ATPSCKMT: variants seen among roughly 807,000 people sequenced by gnomAD.
ATPSCKMT encodes the protein ATP synthase c subunit lysine N-methyltransferase.
A neutral mutation model predicts 24.3 loss-of-function variants in ATPSCKMT; 24 were observed. The ratio of observed to expected loss-of-function variants is 0.99; its 90% CI spans 0.71 to 1.39. The LOEUF (loss-of-function observed/expected upper bound fraction) is 1.39. Among genes scored for constraint, ATPSCKMT ranks in the 40% most tolerant of loss-of-function variants. ATPSCKMT has a pLI of 0.00. For missense variants in ATPSCKMT, 311 were observed against 298.4 expected (o/e 1.04, Z -0.31); for synonymous variants, 95 against 110.5 (o/e 0.86, Z 0.88).
In ATPSCKMT at chr5:10,236,617, T is replaced by C. The variant is rs1475131877; in HGVS notation, c.307-2A>G. ...CCCTTTCTTCGCAGCCGCTATGACCTGTGGAGAGAGGCAGGATTTATTCAA... is the reference window on the plus strand; with the variant it reads ...CCCTTTCTTCGCAGCCGCTATGACCCGTGGAGAGAGGCAGGATTTATTCAA... On this transcript the variant is annotated splice_acceptor_variant, in intron 2 of 4. Transcript: ENST00000511437. LOFTEE classifies it high-confidence loss of function. 1 of 1,611,402 alleles carries C rather than the reference T, an allele frequency of 6.2e-7. No homozygotes were observed. The highest frequency in any genetic ancestry group is 2.2e-5 in the East Asian group (1 of 44,864).
chr5:10,237,366 T>C (rs545298396), intron 2 of ATPSCKMT, among the ~76,000 whole-genome samples: 1 of 152,360 alleles, frequency 6.6e-6, no homozygotes, highest in African/African-American at 2.4e-5. Flanking sequence ...AATATGAATT[T>C]CAAAACTTTC....
In ATPSCKMT at chr5:10,226,164, G is replaced by T. The variant is rs1432866273; in HGVS notation, c.*1277C>A. Among the ~76,000 whole-genome samples the T allele has an allele frequency of 6.6e-6, 1 of 151,944 alleles. No individual in the cohort carries two copies. The highest frequency in any genetic ancestry group is 1.5e-5 in the Non-Finnish European group (1 of 68,028). ...CACACTAAGATTCCCTTGCTTATTTGTTTGTCTCTCCTTTCCAGAATAGGA... is the reference window on the plus strand; with the variant it reads ...CACACTAAGATTCCCTTGCTTATTTTTTTGTCTCTCCTTTCCAGAATAGGA... On this transcript the variant is annotated 3_prime_UTR_variant, in exon 5 of 5. Coordinates refer to ENST00000511437, the MANE Select transcript of ATPSCKMT (RefSeq NM_199133.4).
rs758366744 is a variant in ATPSCKMT at position 10,235,242 on chromosome 5, G to GTTTCGC, written c.463_464insGCGAAA (p.Ser155delinsCysGluThr). 6.2e-7 allele frequency: 1 copy of GTTTCGC among 1,613,524 alleles called. No homozygotes were observed. Among genetic ancestry groups the GTTTCGC allele is most frequent in the African/African-American group, 1.3e-5 (1 of 74,978 alleles). On this transcript the variant is annotated protein_altering_variant, in exon 4 of 5. Coordinates refer to ENST00000511437, the MANE Select transcript of ATPSCKMT (RefSeq NM_199133.4). ...AGGCACACCGAAAATAACAACGTTC[G>GTTTCGC]AGTACTGCGAAAAAGTAACCTGAAC...
intron 1 of ATPSCKMT, chr5:10,249,544 C>A: frequency 2.7e-6 from 1 of 368,922 alleles, no homozygotes. Flanking sequence ...AGCGGCAGAA[C>A]TGCGATTCCA....
At position 10,236,296 on chromosome 5, in the gene ATPSCKMT, G is replaced by C. The variant is rs114334171; in HGVS notation, c.444+182C>G. 2,472 of 584,252 alleles carry C rather than the reference G, an allele frequency of 4.2e-3. 41 individuals are homozygous for C. The highest frequency in any genetic ancestry group is 0.041 in the African/African-American group (2,119 of 52,132). 36.2% of individuals were successfully genotyped at this position (584,252 alleles called of 1,614,324 possible). On this transcript the variant is annotated intron_variant, in intron 3 of 4. Coordinates refer to ENST00000511437, the MANE Select transcript of ATPSCKMT (RefSeq NM_199133.4). ...AAGACCTATCATATAAAAACTTTAAGCTTCTCTCTAAAGGAGACTATTTGT... is the reference window on the plus strand; with the variant it reads ...AAGACCTATCATATAAAAACTTTAACCTTCTCTCTAAAGGAGACTATTTGT...
rs753489449 is a variant in ATPSCKMT at position 10,239,269 on chromosome 5, T to A, written c.104A>T (p.Asn35Ile). The A allele has an allele frequency of 1.2e-5, 19 of 1,614,052 alleles. No individual in the cohort carries two copies. The highest frequency in any genetic ancestry group is 1.6e-4 in the Middle Eastern group (1 of 6,084). The change falls in exon 2 of 5, where the codon AAC (asparagine) becomes ATC (isoleucine). Residue 35 changes from asparagine (N) to isoleucine (I), a missense_variant. By Grantham distance (149) the Asn-to-Ile change is moderately radical. Coordinates refer to ENST00000511437, the MANE Select transcript of ATPSCKMT (RefSeq NM_199133.4). Reference protein sequence around the residue: ...SFEVNSLQKSNWGFLLTGLVG... With the variant: ...SFEVNSLQKSIWGFLLTGLVG... ...AAGCCCAGTAAGTAAGAACCCCCAG[T>A]TGCTTTTCTGCAAACTGTTGACTTC...
intron 4 of ATPSCKMT, among the ~76,000 whole-genome samples, chr5:10,228,670 C>T (rs1561024593): frequency 6.6e-6 from 1 of 152,104 alleles, no homozygotes; most frequent in Non-Finnish European, 1.5e-5. Context: ...CTCCTGTATA[C>T]CTATACCCAG....
intron 4 of ATPSCKMT, 59 bp from the exon 5 acceptor site, chr5:10,227,706 A>G (rs1295191276): frequency 4.0e-6 from 6 of 1,486,652 alleles, no homozygotes; most frequent in Non-Finnish European, 5.5e-6. Flanking sequence ...ATGATCCCAA[A>G]ATTTCCTGTT....
intron 1 of ATPSCKMT, among the ~76,000 whole-genome samples, chr5:10,247,993 T>C (rs1432689690): frequency 6.6e-6 from 1 of 152,174 alleles, no homozygotes; most frequent in East Asian, 1.9e-4. Context: ...AGATGTACAA[T>C]AAGGTACCCA....
At chr5:10,235,296 T>TTTG (rs746797393) in intron 3 of ATPSCKMT, 35 bp from the exon 4 acceptor site, 10 of 1,585,782 alleles carry the variant, frequency 6.3e-6, no homozygotes, top group Non-Finnish European at 8.6e-6. Flanking sequence ...GTAGATTAAG[T>TTTG]GCAAAAAGCC....
At chr5:10,236,398 T>C in intron 3 of ATPSCKMT, 80 bp downstream of exon 3, 1 of 1,471,714 alleles carries the variant, frequency 6.8e-7, no homozygotes, top group Non-Finnish European at 9.2e-7. Context: ...TTAATACATT[T>C]TTCAGTTCTC....
chr5:10,227,282 TGTTTTTCTTC>T lies in ATPSCKMT; in HGVS notation c.*149_*158del. ...ATCAAAAGCAGATTTTAAATCTACC[TGTTTTTCTTC>T]GTTTGTTTTCTCCAACAGTTAAGGA... On this transcript the variant is annotated 3_prime_UTR_variant, in exon 5 of 5. Transcript: ENST00000511437. 1.3e-6 allele frequency: 1 copy of T among 744,050 alleles called. No individual in the cohort carries two copies. The highest frequency in any genetic ancestry group is 1.8e-5 in the African/African-American group (1 of 56,532). 46.1% of individuals were successfully genotyped at this position (744,050 alleles called of 1,614,324 possible).
chr5:10,249,778 C>G, intron 1 of ATPSCKMT, 80 bp downstream of exon 1: 2 of 1,522,816 alleles, frequency 1.3e-6, no homozygotes, highest in South Asian at 2.6e-5. Flanking sequence ...ACAGTGGAGA[C>G]CTCAGCTGAC....
At chr5:10,241,878 A>G (rs1295406969) in intron 1 of ATPSCKMT, among the ~76,000 whole-genome samples, 3 of 152,242 alleles carry the variant, frequency 2.0e-5, no homozygotes, top group African/African-American at 7.2e-5. Flanking sequence ...TAAGTGTGCA[A>G]TTGCACTGTT....
chr5:10,235,737 C>T (rs1178910242), intron 3 of ATPSCKMT, among the ~76,000 whole-genome samples: 1 of 144,222 alleles, frequency 6.9e-6, no homozygotes, highest in Admixed American at 7.6e-5. Context: ...CTCTAAAATA[C>T]TATGTAAAAA....
At chr5:10,249,497 G>T in intron 1 of ATPSCKMT, 1 of 289,772 alleles carries the variant, frequency 3.5e-6, no homozygotes, top group Non-Finnish European at 6.3e-6. Flanking sequence ...GAGGGACAAA[G>T]AAGTTAAGGG....
At chr5:10,241,614 G>T (rs1304544031) in intron 1 of ATPSCKMT, among the ~76,000 whole-genome samples, 1 of 152,208 alleles carries the variant, frequency 6.6e-6, no homozygotes, top group Non-Finnish European at 1.5e-5. Flanking sequence ...TAATGCTAGT[G>T]CTAGTATTAA....
At position 10,225,818 on chromosome 5, in the gene ATPSCKMT, C is replaced by T. The variant is rs530064382; in HGVS notation, c.*1623G>A. Among the ~76,000 whole-genome samples the T allele has an allele frequency of 3.4e-4, 51 of 152,184 alleles. No homozygotes were observed. The highest frequency in any genetic ancestry group is 8.7e-4 in the African/African-American group (36 of 41,518). On this transcript the variant is annotated 3_prime_UTR_variant, in exon 5 of 5. Transcript: ENST00000511437. Reference sequence around the variant, plus strand: ...ACTTCTAGAAAATGTTGAACACCTCCGAGGCCCCACAGAACCCTCCTCTAC... The same window carrying T: ...ACTTCTAGAAAATGTTGAACACCTCTGAGGCCCCACAGAACCCTCCTCTAC...
In ATPSCKMT at chr5:10,236,707, C is replaced by T. The variant is rs1427052644; in HGVS notation, c.307-92G>A. On this transcript the variant is annotated intron_variant, in intron 2 of 4. Coordinates refer to ENST00000511437, the MANE Select transcript of ATPSCKMT (RefSeq NM_199133.4). ...GAATATTTCCTATCAATGGTTTAAA[C>T]ATCCAATCAAAAAGCACCTCCCGTG... 29 of 1,535,904 alleles carry T rather than the reference C, an allele frequency of 1.9e-5. 1 individual carries two copies. The South Asian group carries it at 3.0e-4, about 16-fold the overall frequency.
Sources: gnomAD v4.1 joint callset for allele counts (sites outside exome capture counted in the v4.1 genomes callset) on GRCh38, gnomAD v4.1.1 for gene constraint, MANE v1.5 for transcripts, NCBI Gene and HGNC (gene_info 2026-07-23, HGNC 2026-07-21) for gene names.